The following DOCK1 variants were observed in gnomAD, a reference collection of about 807,000 sequenced individuals.
DOCK1 encodes the protein dedicator of cytokinesis 1.
A neutral mutation model predicts 262.7 loss-of-function variants in DOCK1; 138 were observed. That is an observed-to-expected ratio of 0.53 (90% CI 0.46 to 0.61). The LOEUF (loss-of-function observed/expected upper bound fraction) is 0.61, where lower values mean the gene tolerates loss of function less well. DOCK1 is among the 20% of genes least tolerant of loss of function. The pLI, the probability that DOCK1 is intolerant of heterozygous loss-of-function variation, is 0.00. For missense variants in DOCK1, 1,908 were observed against 2,370.7 expected (o/e 0.80, Z 4.05); for synonymous variants, 866 against 867.4 (o/e 1.00, Z 0.03).
At chr10:127,210,257 C>T (rs2057915206) in intron 27 of DOCK1, among the ~76,000 whole-genome samples, 2 of 152,198 alleles carry the variant, frequency 1.3e-5, no homozygotes, top group Admixed American at 6.5e-5. Context: ...TGGACTTCGG[C>T]GGTGCCACAT....
intron 29 of DOCK1, among the ~76,000 whole-genome samples, chr10:127,283,089 T>C (rs982329268): frequency 6.6e-6 from 1 of 152,240 alleles, no homozygotes; most frequent in Non-Finnish European, 1.5e-5. Flanking sequence ...CGTTACGTGG[T>C]CTGTGACCAG....
intron 10 of DOCK1, among the ~76,000 whole-genome samples, chr10:127,004,151 G>A (rs926898694): frequency 2.0e-5 from 3 of 151,938 alleles, no homozygotes; most frequent in Non-Finnish European, 4.4e-5. Context: ...CTACTCAGGA[G>A]TCTGAGGCAG....
At chr10:127,203,901 T>G (rs901504251) in intron 27 of DOCK1, among the ~76,000 whole-genome samples, 97 of 137,442 alleles carry the variant, frequency 7.1e-4, no homozygotes, top group African/African-American at 2.3e-3. Flanking sequence ...CAATTTTGAT[T>G]TTTTTTTTTT....
intron 40 of DOCK1, among the ~76,000 whole-genome samples, chr10:127,404,635 C>CTTA (rs1475299983): frequency 6.6e-6 from 1 of 151,996 alleles, no homozygotes; most frequent in African/African-American, 2.4e-5. Flanking sequence ...CTGATTTTTC[C>CTTA]GTAAAAGGAC....
chr10:127,394,240 G>A (rs7906619), intron 38 of DOCK1, among the ~76,000 whole-genome samples: 47,783 of 151,380 alleles, frequency 0.32, 7,729 homozygotes, highest in Middle Eastern at 0.38. Flanking sequence ...TACATAATTT[G>A]TAGCCCAAGT....
intron 29 of DOCK1, among the ~76,000 whole-genome samples, chr10:127,287,012 G>A (rs895326817): frequency 6.0e-5 from 9 of 151,138 alleles, no homozygotes; most frequent in Non-Finnish European, 1.2e-4. Context: ...GGTTCATGCC[G>A]TTCTCCTGCC....
At chr10:127,229,061 T>C (rs7919236) in intron 27 of DOCK1, among the ~76,000 whole-genome samples, 59,802 of 151,780 alleles carry the variant, frequency 0.39, 12,068 homozygotes, top group East Asian at 0.6. Flanking sequence ...GGTGAAACCC[T>C]GTCTTTACTA....
intron 38 of DOCK1, among the ~76,000 whole-genome samples, chr10:127,387,612 A>G (rs75021049): frequency 0.054 from 8,223 of 152,188 alleles, 241 homozygotes; most frequent in Middle Eastern, 0.082. Flanking sequence ...TGTTTCTTTA[A>G]TGAGTTCCCC....
At chr10:127,156,875 T>C (rs969432935) in intron 27 of DOCK1, among the ~76,000 whole-genome samples, 6 of 152,184 alleles carry the variant, frequency 3.9e-5, no homozygotes, top group Admixed American at 2.6e-4. Context: ...GCCCGAGATA[T>C]TGCTCTTCTA....
At chr10:127,137,745 C>G in intron 27 of DOCK1, 1 of 1,251,308 alleles carries the variant, frequency 8.0e-7, no homozygotes, top group Non-Finnish European at 1.1e-6. Flanking sequence ...ATGGGCACCA[C>G]AGTTCCCTCG....
At chr10:127,424,790 G>A (rs762439847) in intron 46 of DOCK1, among the ~76,000 whole-genome samples, 2 of 152,142 alleles carry the variant, frequency 1.3e-5, no homozygotes, top group Non-Finnish European at 2.9e-5. Context: ...GGCCAGAAAG[G>A]CCTGACATGT....
At chr10:127,079,116 T>C (rs1438145228) in intron 23 of DOCK1, among the ~76,000 whole-genome samples, 1 of 152,170 alleles carries the variant, frequency 6.6e-6, no homozygotes, top group East Asian at 1.9e-4. Context: ...ATGCTGACAC[T>C]CATGTAACCC....
At position 127,328,262 on chromosome 10, in the gene DOCK1, T is replaced by G. The variant is rs77124734; in HGVS notation, c.3045-10744T>G. Among the ~76,000 whole-genome samples, 1,203 of 152,296 alleles carry G rather than the reference T, an allele frequency of 7.9e-3. 51 individuals carry two copies. Among genetic ancestry groups the G allele is most frequent in the Admixed American group, 0.064 (986 of 15,298 alleles). On this transcript the variant is annotated intron_variant, in intron 29 of 51. Coordinates refer to ENST00000623213, the MANE Select transcript of DOCK1 (RefSeq NM_001290223.2). The stretch of plus-strand genomic sequence containing the variant: ...AACCCGGATAAATTTTAAGCATCAC[T>G]GGTGTATGCTGAGCGTGAAATACCT...
intron 29 of DOCK1, among the ~76,000 whole-genome samples, chr10:127,261,454 TGC>T (rs1248790907): frequency 4.9e-5 from 7 of 143,990 alleles, no homozygotes; most frequent in African/African-American, 1.6e-4. Flanking sequence ...TGCATGTGTG[TGC>T]GTGTGTGTGT....
chr10:127,394,794 C>T (rs1200035844), intron 38 of DOCK1, among the ~76,000 whole-genome samples: 2 of 152,156 alleles, frequency 1.3e-5, no homozygotes, highest in Non-Finnish European at 2.9e-5. Context: ...CCAGTGCCGT[C>T]CTGCGCCGTG....
At chr10:127,060,534 A>G (rs2045464248) in intron 22 of DOCK1, among the ~76,000 whole-genome samples, 1 of 152,200 alleles carries the variant, frequency 6.6e-6, no homozygotes. Flanking sequence ...GGTATCGTAT[A>G]TTTTTAATTA....
chr10:127,017,094 CACAT>C (rs1384638107), intron 12 of DOCK1, among the ~76,000 whole-genome samples: 1 of 109,992 alleles, frequency 9.1e-6, no homozygotes, highest in Non-Finnish European at 1.9e-5. Flanking sequence ...ACACCACAAA[CACAT>C]ACACACCAAC....
At chr10:127,070,250 C>CTTTTTTTTTTTTT (rs71032535) in intron 23 of DOCK1, among the ~76,000 whole-genome samples, 1 of 92,952 alleles carries the variant, frequency 1.1e-5, no homozygotes, top group African/African-American at 4.2e-5. Flanking sequence ...GAATTTAGCC[C>CTTTTTTTTTTTTT]TTTTTTTTTT....
chr10:127,119,392 A>G (rs2049398183), intron 25 of DOCK1, among the ~76,000 whole-genome samples: 1 of 152,196 alleles, frequency 6.6e-6, no homozygotes, highest in Non-Finnish European at 1.5e-5. Context: ...GTAGAGGTGC[A>G]GTCCTGAAGG....
Sources: gnomAD v4.1 joint callset for allele counts (sites outside exome capture counted in the v4.1 genomes callset) on GRCh38, gnomAD v4.1.1 for gene constraint, MANE v1.5 for transcripts, NCBI Gene and HGNC (gene_info 2026-07-23, HGNC 2026-07-21) for gene names.